Variants in FRMD3 observed in about 807,000 individuals in gnomAD.
FRMD3 encodes the protein FERM domain-containing protein 3.
Under a neutral mutation model 70.2 loss-of-function variants are expected in FRMD3, and 33 were observed. That is an observed-to-expected ratio of 0.47 (90% CI 0.36 to 0.63). FRMD3 has a LOEUF of 0.63. FRMD3 is among the 20% of genes least tolerant of loss of function. The pLI is 0.00. For missense variants in FRMD3, 632 were observed against 711.4 expected, an observed-to-expected ratio of 0.89 and a Z score of 1.27; for synonymous variants, 279 against 255.9, an observed-to-expected ratio of 1.09 and a Z score of -0.86.
chr9:83,500,710 T>A (rs1829049484), intron 1 of FRMD3, among the ~76,000 whole-genome samples: 1 of 152,164 alleles, frequency 6.6e-6, no homozygotes, highest in Admixed American at 6.5e-5. Context: ...ATTCAATTAG[T>A]CAATGCAAAA....
At chr9:83,389,384 T>C (rs1167935012) in intron 2 of FRMD3, among the ~76,000 whole-genome samples, 1 of 152,124 alleles carries the variant, frequency 6.6e-6, no homozygotes, top group Non-Finnish European at 1.5e-5. Context: ...TCTAAGCAGA[T>C]GGGAGCAGCC....
At chr9:83,396,834 C>A (rs993605478) in intron 1 of FRMD3, among the ~76,000 whole-genome samples, 2 of 152,196 alleles carry the variant, frequency 1.3e-5, no homozygotes, top group East Asian at 3.8e-4. Flanking sequence ...ATTGGCTTTT[C>A]TGTTTGTTGC....
At chr9:83,436,787 A>AGG (rs1827148485) in intron 1 of FRMD3, among the ~76,000 whole-genome samples, 6 of 95,656 alleles carry the variant, frequency 6.3e-5, no homozygotes, top group African/African-American at 2.6e-4. Flanking sequence ...AGGGGAAAAA[A>AGG]AAAAAAAAAA....
chr9:83,423,165 G>A (rs1587838701), intron 1 of FRMD3, among the ~76,000 whole-genome samples: 1 of 152,316 alleles, frequency 6.6e-6, no homozygotes, highest in East Asian at 1.9e-4. Context: ...AGAAAGTTGT[G>A]GAATAATAAC....
chr9:83,331,783 A>C, intron 6 of FRMD3: 1 of 688,060 alleles, frequency 1.5e-6, no homozygotes, highest in Non-Finnish European at 2.6e-6. Flanking sequence ...AAAGAAAAAC[A>C]ACTCTATTAG....
chr9:83,389,625 A>G lies in FRMD3; in HGVS notation c.231T>C (p.Tyr77=), dbSNP rs773265424. 1 of 1,613,606 alleles carries G rather than the reference A, an allele frequency of 6.2e-7. No individual in the cohort carries two copies. The highest frequency in any genetic ancestry group is 1.1e-5 in the South Asian group (1 of 91,076). ...LLEKDYFGIR[Y]VDPEKQRHWL... ...TTACCCTTTGCTTCTCTGGGTCCAC[A>G]TAGCGAATGCCAAAGTAGTCCTTCT... Residue 77 remains tyrosine, a synonymous_variant, in exon 2 of 14, where the codon TAT becomes TAC. Coordinates refer to ENST00000304195, the MANE Select transcript of FRMD3 (RefSeq NM_174938.6).
chr9:83,284,688 C>T (rs1344512055), intron 13 of FRMD3, among the ~76,000 whole-genome samples: 1 of 152,184 alleles, frequency 6.6e-6, no homozygotes, highest in Middle Eastern at 3.2e-3. Context: ...GAAGAAATGG[C>T]TTAGCATCTG....
chr9:83,340,338 T>C (rs1463367978), intron 5 of FRMD3, among the ~76,000 whole-genome samples: 1 of 152,162 alleles, frequency 6.6e-6, no homozygotes, highest in Admixed American at 6.5e-5. Flanking sequence ...CCCATGGAAT[T>C]AGATTCTATA....
chr9:83,469,805 T>A (rs1828224145), intron 1 of FRMD3, among the ~76,000 whole-genome samples: 1 of 152,198 alleles, frequency 6.6e-6, no homozygotes, highest in South Asian at 2.1e-4. Flanking sequence ...TTAAAACTCA[T>A]GCAGCCAGTG....
At chr9:83,459,476 G>A (rs1827910041) in intron 1 of FRMD3, among the ~76,000 whole-genome samples, 2 of 152,196 alleles carry the variant, frequency 1.3e-5, no homozygotes, top group South Asian at 4.1e-4. Context: ...TATCTTACAT[G>A]TACCTCGCAG....
At chr9:83,392,702 C>T (rs1302600574) in intron 1 of FRMD3, among the ~76,000 whole-genome samples, 4 of 152,150 alleles carry the variant, frequency 2.6e-5, no homozygotes, top group Admixed American at 6.5e-5. Flanking sequence ...CAAGCCCGCA[C>T]AGCACTAACA....
At chr9:83,357,268 TATATATATATATA>T (rs1564032804) in intron 3 of FRMD3, among the ~76,000 whole-genome samples, 2 of 67,210 alleles carry the variant, frequency 3.0e-5, no homozygotes, top group African/African-American at 1.7e-4. Context: ...TATATATATA[TATATATATATATA>T]TATATATATA....
chr9:83,500,751 C>T (rs1053409119), intron 1 of FRMD3, among the ~76,000 whole-genome samples: 1 of 152,186 alleles, frequency 6.6e-6, no homozygotes, highest in Non-Finnish European at 1.5e-5. Context: ...ATCCTGTGGA[C>T]TCTAACAAGA....
chr9:83,548,300 T>C, the FRMD3 span, among the ~76,000 whole-genome samples: 1 of 152,214 alleles, frequency 6.6e-6, no homozygotes, highest in Admixed American at 6.5e-5. Context: ...TTATTCATGA[T>C]TGCCAAAAAT....
chr9:83,581,369 T>A, the FRMD3 span, among the ~76,000 whole-genome samples: 12 of 152,170 alleles, frequency 7.9e-5, no homozygotes, highest in Non-Finnish European at 1.6e-4. Flanking sequence ...GAAGAGATGC[T>A]CAACTTCCGT....
rs150191956 is a variant in FRMD3 at position 83,457,002 on chromosome 9, C to T, written c.148-67294G>A. 4.4e-3 allele frequency among the ~76,000 whole-genome samples: 674 copies of T among 151,962 alleles called. 3 individuals are homozygous for T. Among genetic ancestry groups the T allele is most frequent in the Non-Finnish European group, 7.2e-3 (489 of 67,966 alleles). On this transcript the variant is annotated intron_variant, in intron 1 of 13. Transcript: ENST00000304195. ...CTCAAAAAAAAATTAATAAAAACAACGCAAACTAAGAGATATAATAAGCTT... is the reference window on the plus strand; with the variant it reads ...CTCAAAAAAAAATTAATAAAAACAATGCAAACTAAGAGATATAATAAGCTT...
intron 1 of FRMD3, among the ~76,000 whole-genome samples, chr9:83,492,286 C>T (rs1162078131): frequency 6.6e-6 from 1 of 152,150 alleles, no homozygotes; most frequent in African/African-American, 2.4e-5. Context: ...TGCAGAAGTG[C>T]TGCATGGAGA....
intron 1 of FRMD3, among the ~76,000 whole-genome samples, chr9:83,423,307 G>C (rs899704413): frequency 1.3e-5 from 2 of 152,140 alleles, no homozygotes; most frequent in Admixed American, 6.5e-5. Flanking sequence ...AAGAGTGTCA[G>C]GAATGCTGAG....
chr9:83,305,201 G>T (rs1259777073), intron 10 of FRMD3, among the ~76,000 whole-genome samples: 6 of 152,188 alleles, frequency 3.9e-5, no homozygotes, highest in African/African-American at 1.4e-4. Flanking sequence ...GCCCAGGGAA[G>T]GGTGGTCACA....
Sources: allele counts gnomAD v4.1 joint callset (sites outside exome capture counted in the v4.1 genomes callset), GRCh38; gene constraint gnomAD v4.1.1; transcripts MANE v1.5; gene names NCBI Gene and HGNC (gene_info 2026-07-23, HGNC 2026-07-21).